The following PLCG2 variants were observed in gnomAD, a reference collection of about 807,000 sequenced individuals.
The protein encoded by PLCG2 is 1-phosphatidylinositol 4,5-bisphosphate phosphodiesterase gamma-2.
PLCG2 carries 69 observed loss-of-function variants against 175.6 expected under a neutral mutation model. That is an observed-to-expected ratio of 0.39 (90% CI 0.32 to 0.48). The LOEUF (loss-of-function observed/expected upper bound fraction) is 0.48, where lower values mean the gene tolerates loss of function less well. PLCG2 is among the 20% of genes least tolerant of loss of function. The pLI is 0.91. For synonymous variants in PLCG2, 827 were observed against 624.0 expected, an observed-to-expected ratio of 1.33 and a Z score of -4.85; for missense variants, 1,798 against 1,650.9, an observed-to-expected ratio of 1.09 and a Z score of -1.54.
At position 81,909,808 on chromosome 16, in the gene PLCG2, G is replaced by A. The variant is rs1421193965; in HGVS notation, c.1734-712G>A. On this transcript the variant is annotated intron_variant, in intron 17 of 32. Coordinates refer to ENST00000564138, the MANE Select transcript of PLCG2 (RefSeq NM_002661.5). ...GTATTCGAGACACCTTGTGTGTGTGGTCTCGTTTACTCTTCAGGATGCCTC... is the reference window on the plus strand; with the variant it reads ...GTATTCGAGACACCTTGTGTGTGTGATCTCGTTTACTCTTCAGGATGCCTC... Among the ~76,000 whole-genome samples, 5 of 152,306 alleles carry A rather than the reference G, an allele frequency of 3.3e-5. No individual in the cohort carries two copies. In the South Asian group the frequency reaches 8.3e-4, roughly 25 times the overall value.
chr16:81,828,090 C>CAAAAA (rs763973143), intron 2 of PLCG2, among the ~76,000 whole-genome samples: 1 of 50,072 alleles, frequency 2.0e-5, no homozygotes, highest in African/African-American at 7.2e-5. Context: ...AACTCCGTCT[C>CAAAAA]AAAAAAAAAA....
chr16:81,958,867 T>G lies in PLCG2; in HGVS notation c.*869T>G, dbSNP rs143711032. 95 of 219,666 alleles carry G rather than the reference T, an allele frequency of 4.3e-4. No individual in the cohort carries two copies. Among genetic ancestry groups the G allele is most frequent in the African/African-American group, 1.9e-3 (84 of 44,578 alleles). The allele number at this position is 219,666 out of a possible 1,614,324, so 13.6% of individuals were successfully genotyped here. A position where few individuals can be genotyped will look rare whatever the true frequency, so the allele number is the denominator to read the frequency against. On this transcript the variant is annotated 3_prime_UTR_variant, in exon 33 of 33. Transcript: ENST00000564138. ...GAGGTCAACTGCTGCTTGAAAGAGGTAGACAAAAGTTAGGTTGATGGCGAA... is the reference window on the plus strand; with the variant it reads ...GAGGTCAACTGCTGCTTGAAAGAGGGAGACAAAAGTTAGGTTGATGGCGAA...
In PLCG2 at chr16:81,962,321, C is replaced by A. The variant is rs1457725646; in HGVS notation, c.*4323C>A. ...TGAACCCAACCGTAAAAGCTATCTT[C>A]TAACCAACAAAAAGTTAATAATTAG... On this transcript the variant is annotated 3_prime_UTR_variant, in exon 33 of 33. Coordinates refer to ENST00000564138, the MANE Select transcript of PLCG2 (RefSeq NM_002661.5). 2.5e-5 allele frequency: 5 copies of A among 203,132 alleles called. No homozygotes were observed. Among genetic ancestry groups the A allele is most frequent in the African/African-American group, 1.1e-4 (5 of 43,688 alleles). 12.6% of individuals were successfully genotyped at this position (203,132 alleles called of 1,614,324 possible). A position where few individuals can be genotyped will look rare whatever the true frequency, so the allele number is the denominator to read the frequency against.
chr16:81,905,465 C>T lies in PLCG2; in HGVS notation c.1425C>T (p.His475=), dbSNP rs925017425. The part of the protein sequence containing the change: ...DVNMEDKKDE[H]KQQGELYMWD... ...ACATGGAGGACAAGAAGGACGAACA[C>T]AAGCAACAGGGGGAGCTGTACATGT... Residue 475 remains histidine (H), a synonymous_variant, in exon 15 of 33, where the codon CAC becomes CAT. Coordinates refer to ENST00000564138, the MANE Select transcript of PLCG2 (RefSeq NM_002661.5). The T allele has an allele frequency of 1.2e-6, 2 of 1,614,178 alleles. No individual in the cohort carries two copies. Among genetic ancestry groups the T allele is most frequent in the South Asian group, 2.2e-5 (2 of 91,090 alleles).
In PLCG2 at chr16:81,936,262, A is replaced by G; in HGVS notation, c.2936A>G (p.Gln979Arg). Residue 979 changes from glutamine to arginine, a missense_variant, in exon 27 of 33, where the codon CAA becomes CGA. Gln to Arg is a conservative substitution (Grantham distance 43). Transcript: ENST00000564138. ...QKPVDLLKYNQKGLTRVYPKG... is the reference protein window; with the variant it reads ...QKPVDLLKYNRKGLTRVYPKG... ...CCCGTCGACCTCCTGAAGTACAATCAAAAGGGCCTGACCCGCGTCTACCCA... is the reference window on the plus strand; with the variant it reads ...CCCGTCGACCTCCTGAAGTACAATCGAAAGGGCCTGACCCGCGTCTACCCA... 1 of 1,614,186 alleles carries G rather than the reference A, an allele frequency of 6.2e-7. No homozygotes were observed. Among genetic ancestry groups the G allele is most frequent in the Non-Finnish European group, 8.5e-7 (1 of 1,180,028 alleles).
intron 6 of PLCG2, among the ~76,000 whole-genome samples, chr16:81,870,181 G>T (rs181599034): frequency 2.4e-4 from 37 of 152,318 alleles, no homozygotes; most frequent in African/African-American, 8.9e-4. Flanking sequence ...ATTTACCATT[G>T]ATTGCTACAC....
At chr16:81,822,375 T>C (rs1186148395) in intron 2 of PLCG2, among the ~76,000 whole-genome samples, 2 of 152,186 alleles carry the variant, frequency 1.3e-5, no homozygotes, top group Non-Finnish European at 2.9e-5. Context: ...AAAGAGGACC[T>C]TGCAGATGAA....
At chr16:81,797,359 G>A (rs1015235434) in intron 2 of PLCG2, among the ~76,000 whole-genome samples, 13 of 152,310 alleles carry the variant, frequency 8.5e-5, no homozygotes, top group African/African-American at 2.9e-4. Flanking sequence ...TATCAGGCTC[G>A]CAAAATTATG....
intron 26 of PLCG2, 90 bp downstream of exon 26, chr16:81,934,621 C>A: frequency 1.3e-6 from 1 of 791,550 alleles, no homozygotes; most frequent in Non-Finnish European, 2.2e-6. Flanking sequence ...GCAGAGAGTG[C>A]ATTCTCTCAT....
intron 11 of PLCG2, among the ~76,000 whole-genome samples, chr16:81,892,705 C>T (rs1443530672): frequency 3.3e-5 from 5 of 152,178 alleles, no homozygotes; most frequent in South Asian, 2.1e-4. Context: ...GTTTGTTAAA[C>T]GGGTCAACTT....
chr16:81,829,774 C>A (rs905967340), intron 2 of PLCG2, among the ~76,000 whole-genome samples: 1 of 152,210 alleles, frequency 6.6e-6, no homozygotes, highest in Non-Finnish European at 1.5e-5. Context: ...TGTCCACTCT[C>A]TCCTGCTGGG....
At chr16:81,744,422 C>A (rs7195137) in intron 1 of PLCG2, among the ~76,000 whole-genome samples, 1 of 151,382 alleles carries the variant, frequency 6.6e-6, no homozygotes, top group East Asian at 1.9e-4. Context: ...CTTGCCCTCC[C>A]AAAGTGTTGG....
At chr16:81,870,369 G>T (rs1192582494) in intron 6 of PLCG2, among the ~76,000 whole-genome samples, 2 of 152,242 alleles carry the variant, frequency 1.3e-5, no homozygotes, top group East Asian at 1.9e-4. Flanking sequence ...ATTAATTGGA[G>T]CTGAGTTCTG....
chr16:81,908,077 A>T (rs916568743), intron 16 of PLCG2, among the ~76,000 whole-genome samples: 6 of 152,122 alleles, frequency 3.9e-5, no homozygotes, highest in African/African-American at 1.4e-4. Flanking sequence ...CCTCTCCTCC[A>T]GCTGTGGTCA....
At chr16:81,838,610 G>T (rs1049918934) in intron 2 of PLCG2, among the ~76,000 whole-genome samples, 1 of 151,848 alleles carries the variant, frequency 6.6e-6, no homozygotes, top group Non-Finnish European at 1.5e-5. Context: ...GGCCTGTCAG[G>T]GGGTGGGGGC....
chr16:81,865,600 T>C (rs905537144), intron 5 of PLCG2, among the ~76,000 whole-genome samples: 47 of 152,166 alleles, frequency 3.1e-4, no homozygotes, highest in African/African-American at 1.1e-3. Flanking sequence ...GTCTCTCTGT[T>C]CCTGGACATG....
chr16:81,939,835 C>A, intron 29 of PLCG2, 57 bp from the exon 30 acceptor site: 2 of 1,210,364 alleles, frequency 1.7e-6, no homozygotes, highest in Non-Finnish European at 1.2e-6. Flanking sequence ...CGGAGATTGT[C>A]TTACCAGAAG....
At chr16:81,747,183 C>T (rs1018310905) in intron 1 of PLCG2, among the ~76,000 whole-genome samples, 8 of 152,150 alleles carry the variant, frequency 5.3e-5, no homozygotes, top group African/African-American at 1.9e-4. Context: ...AGTGATTCCC[C>T]CTCTAGGAAT....
chr16:81,758,987 C>G (rs1909986829), intron 2 of PLCG2, among the ~76,000 whole-genome samples: 1 of 152,108 alleles, frequency 6.6e-6, no homozygotes, highest in Admixed American at 6.6e-5. Flanking sequence ...TATCGTCCAT[C>G]TTTTTAAATT....
Sources: allele counts gnomAD v4.1 joint callset (sites outside exome capture counted in the v4.1 genomes callset), GRCh38; gene constraint gnomAD v4.1.1; transcripts MANE v1.5; gene names NCBI Gene and HGNC (gene_info 2026-07-23, HGNC 2026-07-21).